Variants in ZNF584 observed in about 807,000 individuals in gnomAD.
ZNF584 encodes the protein zinc finger protein 584.
A neutral mutation model predicts 14.7 loss-of-function variants in ZNF584; 12 were observed. That is an observed-to-expected ratio of 0.82 (90% confidence interval 0.52 to 1.32). ZNF584 has a LOEUF of 1.32. ZNF584 is among the 40% of genes most tolerant of loss of function. ZNF584 has a pLI of 0.00. For missense variants in ZNF584, 478 were observed against 518.8 expected (o/e 0.92, Z 0.76); for synonymous variants, 204 against 190.9 (o/e 1.07, Z -0.57).
chr19:58,403,719 C>G (rs1419137982), upstream of ZNF584, among the ~76,000 whole-genome samples: 1 of 151,862 alleles, frequency 6.6e-6, no homozygotes, highest in Non-Finnish European at 1.5e-5. Flanking sequence ...GCCTGTAATC[C>G]CAGCATTTTG....
intron 2 of ZNF584, among the ~76,000 whole-genome samples, chr19:58,411,081 C>T (rs911291160): frequency 6.6e-6 from 1 of 151,578 alleles, no homozygotes; most frequent in Non-Finnish European, 1.5e-5. Context: ...TGAGCCACTG[C>T]GCCTGGCCAC....
intron 2 of ZNF584, 33 bp downstream of exon 2, chr19:58,410,124 A>G: frequency 6.4e-7 from 1 of 1,566,198 alleles, no homozygotes; most frequent in Non-Finnish European, 8.6e-7. Flanking sequence ...CAGCACACTG[A>G]CTACCCCCTC....
At position 58,416,866 on chromosome 19, in the gene ZNF584, CAG is replaced by C; in HGVS notation, c.351_352del (p.Arg117SerfsTer9). ...RAHPEHLKSY[R>X]VIQHQDTHSE... ...CCCATCCTGAGCATCTAAAGAGCTA[CAG>C]AGTCATCCAGCACCAGGACACTCAT... is the stretch of plus-strand genomic sequence containing the variant. On this transcript the variant is annotated frameshift_variant, in exon 4 of 4. Coordinates refer to ENST00000306910, the MANE Select transcript of ZNF584 (RefSeq NM_173548.3). LOFTEE classifies it low-confidence loss of function (END_TRUNC). 6.3e-7 allele frequency: 1 copy of C among 1,599,866 alleles called. No homozygotes were observed.
At chr19:58,410,411 G>C (rs1344129190) in intron 2 of ZNF584, among the ~76,000 whole-genome samples, 1 of 150,598 alleles carries the variant, frequency 6.6e-6, no homozygotes, top group Non-Finnish European at 1.5e-5. Context: ...CTCTCTTGAA[G>C]ACATGGCTTC....
upstream of ZNF584, chr19:58,406,355 G>GA (rs2052473661): frequency 1.4e-5 from 1 of 73,350 alleles, no homozygotes; most frequent in Non-Finnish European, 2.8e-5. Flanking sequence ...GGGGGGGGGG[G>GA]GAGGGGGAGG....
upstream of ZNF584, chr19:58,407,331 T>C (rs1373701938): frequency 1.3e-5 from 2 of 152,164 alleles, no homozygotes; most frequent in South Asian, 2.1e-4. Context: ...CTGCAAAAAA[T>C]GAACATTCAG....
chr19:58,415,389 G>C, intron 2 of ZNF584, 135 bp from the exon 3 acceptor site: 4 of 876,414 alleles, frequency 4.6e-6, no homozygotes, highest in Non-Finnish European at 7.0e-6. Context: ...GTAGAGTTGG[G>C]GTCTTACTGT....
intron 2 of ZNF584, among the ~76,000 whole-genome samples, chr19:58,410,701 A>ATG (rs1568584994): frequency 6.9e-5 from 4 of 57,998 alleles, no homozygotes; most frequent in Middle Eastern, 5.6e-3. Context: ...ATGTATATAT[A>ATG]TATGTATATA....
chr19:58,409,574 G>A (rs554435409), intron 1 of ZNF584, among the ~76,000 whole-genome samples: 2 of 152,164 alleles, frequency 1.3e-5, no homozygotes, highest in Non-Finnish European at 2.9e-5. Context: ...GTTTGGTTGC[G>A]TCTGAGAGGT....
At chr19:58,402,404 CGTT>C (rs2052437232) in intron 1 of ZNF584, among the ~76,000 whole-genome samples, 1 of 152,240 alleles carries the variant, frequency 6.6e-6, no homozygotes, top group Non-Finnish European at 1.5e-5. Context: ...TCATTTTTAT[CGTT>C]GTGGAAAATT....
chr19:58,408,280 G>A (rs1181192613), upstream of ZNF584: 2 of 152,352 alleles, frequency 1.3e-5, no homozygotes, highest in Admixed American at 6.5e-5. Context: ...GCCCCCGCGC[G>A]GCGCGGTCCG....
chr19:58,405,274 CCCCCA>C (rs2052460701), upstream of ZNF584: 1 of 114,124 alleles, frequency 8.8e-6, no homozygotes, highest in Non-Finnish European at 1.8e-5. Flanking sequence ...GGGGCTGACC[CCCCCA>C]CCTCCCTCCC....
At chr19:58,404,229 ATT>A (rs59683660), upstream of ZNF584, 2,331 of 147,280 alleles carry the variant, frequency 0.016, 49 homozygotes, top group African/African-American at 0.053. Flanking sequence ...AGAGGAACAG[ATT>A]TTTTTTTTTT....
At position 58,417,479 on chromosome 19, in the gene ZNF584, A is replaced by G. The variant is rs772736440; in HGVS notation, c.961A>G (p.Thr321Ala). Residue 321 changes from threonine to alanine, a missense_variant, in exon 4 of 4, where the codon ACT (threonine) becomes GCT (alanine). Around this residue, in one of 3 missense-constraint regions of ZNF584, gnomAD observed 283 missense variants for 317.3 expected, o/e 0.89. Coordinates refer to ENST00000306910, the MANE Select transcript of ZNF584 (RefSeq NM_173548.3). Reference sequence around the variant, plus strand: ...CTTCATTCTTCACCAGAGAGTTCACACTGGAGAAAGGCCTTTTGAATGCAA... The same window carrying G: ...CTTCATTCTTCACCAGAGAGTTCACGCTGGAGAAAGGCCTTTTGAATGCAA... ...NSFILHQRVH[T>A]GERPFECKQC... is the part of the protein sequence containing the mutation. 1 of 1,614,078 alleles carries G rather than the reference A, an allele frequency of 6.2e-7. No individual in the cohort carries two copies. Among genetic ancestry groups the G allele is most frequent in the African/African-American group, 1.3e-5 (1 of 74,918 alleles).
At chr19:58,406,580 G>A (rs1452776006), upstream of ZNF584, 1 of 152,160 alleles carries the variant, frequency 6.6e-6, no homozygotes, top group East Asian at 1.9e-4. Flanking sequence ...AGACACCAGG[G>A]GTATAACTCA....
chr19:58,409,691 G>T (rs1240191043), intron 1 of ZNF584, among the ~76,000 whole-genome samples: 1 of 152,144 alleles, frequency 6.6e-6, no homozygotes, highest in Non-Finnish European at 1.5e-5. Flanking sequence ...TGTCGCTTTG[G>T]GCTGGACACA....
At chr19:58,411,985 T>G in intron 2 of ZNF584, among the ~76,000 whole-genome samples, 1 of 144,952 alleles carries the variant, frequency 6.9e-6, no homozygotes, top group African/African-American at 2.6e-5. Context: ...TTGTTTTTTT[T>G]TTTTTTTTTT....
At chr19:58,416,699 G>T in intron 3 of ZNF584, 112 bp from the exon 4 acceptor site, 1 of 1,373,434 alleles carries the variant, frequency 7.3e-7, no homozygotes. Context: ...ACCACGCCTG[G>T]CCCTTTCAGC....
intron 3 of ZNF584, 140 bp from the exon 4 acceptor site, chr19:58,416,671 G>A (rs758294816): frequency 1.8e-6 from 2 of 1,114,500 alleles, no homozygotes; most frequent in Non-Finnish European, 2.4e-6. Context: ...CAAAGCACTG[G>A]GATTACAGGC....
Sources: allele counts gnomAD v4.1 joint callset (sites outside exome capture counted in the v4.1 genomes callset), GRCh38; gene constraint gnomAD v4.1.1; regional missense constraint gnomAD v4.1.1; transcripts MANE v1.5; gene names NCBI Gene and HGNC (gene_info 2026-07-23, HGNC 2026-07-21).